CBX1: variants seen among roughly 807,000 people sequenced by gnomAD.
CBX1 encodes chromobox 1, also known as chromobox protein homolog 1.
A neutral mutation model predicts 25.1 loss-of-function variants in CBX1; 10 were observed. The ratio of observed to expected loss-of-function variants is 0.40; its 90% CI spans 0.25 to 0.68. The LOEUF (loss-of-function observed/expected upper bound fraction) is 0.68. CBX1 is among the 30% of genes least tolerant of loss of function. The pLI is 0.40. For synonymous variants in CBX1, 63 were observed against 79.4 expected (o/e 0.79, Z 1.10); for missense variants, 106 against 218.5 (o/e 0.49, Z 3.25).
chr17:48,085,060 C>T (rs367600246), intron 1 of CBX1, among the ~76,000 whole-genome samples: 3 of 152,242 alleles, frequency 2.0e-5, no homozygotes, highest in African/African-American at 7.2e-5. Context: ...TTAGCCAACT[C>T]GTATGGTTTA....
At chr17:48,078,592 C>A (rs556373711) in intron 1 of CBX1, among the ~76,000 whole-genome samples, 3 of 144,592 alleles carry the variant, frequency 2.1e-5, no homozygotes, top group South Asian at 2.2e-4. Flanking sequence ...CGGGTTCAAG[C>A]GATTCTCCTG....
At chr17:48,081,069 G>T (rs1279278995) in intron 1 of CBX1, among the ~76,000 whole-genome samples, 2 of 142,270 alleles carry the variant, frequency 1.4e-5, no homozygotes, top group Non-Finnish European at 3.0e-5. Flanking sequence ...TTAGAGACCA[G>T]GTTATGAGAC....
chr17:48,100,147 A>AAAAAAAAAAG lies in CBX1; in HGVS notation c.-38+1120_-38+1121insCTTTTTTTTT, dbSNP rs1287367924. On this transcript the variant is annotated intron_variant, in intron 1 of 4. Coordinates refer to ENST00000225603, the MANE Select transcript of CBX1 (RefSeq NM_001127228.2). ...GAGGAAGACTCTTCTCAAAAAAAAAAAAAAAAAGAGGTAAAATATAGCTCA... is the reference window on the plus strand; with the variant it reads ...GAGGAAGACTCTTCTCAAAAAAAAAAAAAAAAAAAGAAAAAAAGAGGTAAAATATAGCTCA... Among the ~76,000 whole-genome samples, 4 of 150,736 alleles carry AAAAAAAAAAG rather than the reference A, an allele frequency of 2.7e-5. No individual in the cohort carries two copies. In the Admixed American group the frequency reaches 2.7e-4, roughly 10 times the overall value.
intron 4 of CBX1, 94 bp from the exon 5 acceptor site, chr17:48,071,673 T>C: frequency 1.8e-6 from 2 of 1,098,046 alleles, no homozygotes; most frequent in South Asian, 4.4e-5. Flanking sequence ...AAAATGGTAA[T>C]TTTAGAAAAA....
chr17:48,075,197 C>G (rs2240122), intron 3 of CBX1, 97 bp from the exon 4 acceptor site: 1 of 637,500 alleles, frequency 1.6e-6, no homozygotes, highest in Non-Finnish European at 2.7e-6. Flanking sequence ...ATCACAAACT[C>G]TTTTTTTTTT....
intron 1 of CBX1, among the ~76,000 whole-genome samples, chr17:48,091,462 C>T (rs1319618401): frequency 2.0e-5 from 3 of 151,626 alleles, no homozygotes; most frequent in Non-Finnish European, 4.4e-5. Flanking sequence ...TAGAACTCCG[C>T]CTCTGGGGTT....
intron 1 of CBX1, among the ~76,000 whole-genome samples, chr17:48,094,738 GAAA>G (rs35959502): frequency 3.4e-5 from 4 of 119,328 alleles, no homozygotes; most frequent in African/African-American, 6.3e-5. Context: ...TGTCTCAAAG[GAAA>G]AAAAAAAAAA....
chr17:48,080,022 A>G (rs1344531917), intron 1 of CBX1, among the ~76,000 whole-genome samples: 1 of 152,078 alleles, frequency 6.6e-6, no homozygotes, highest in Non-Finnish European at 1.5e-5. Flanking sequence ...AATCTATTTT[A>G]TTTAGTCCTT....
intron 1 of CBX1, among the ~76,000 whole-genome samples, chr17:48,080,629 G>A (rs1351341839): frequency 6.6e-6 from 1 of 151,620 alleles, no homozygotes; most frequent in Non-Finnish European, 1.5e-5. Context: ...TGCACTTAGA[G>A]TCCATCTACA....
intron 1 of CBX1, among the ~76,000 whole-genome samples, chr17:48,094,824 A>T (rs554757541): frequency 6.6e-6 from 1 of 151,284 alleles, no homozygotes; most frequent in Non-Finnish European, 1.5e-5. Context: ...AGGCGGGTGG[A>T]TCACTTGACG....
At chr17:48,086,435 T>G (rs2063311948) in intron 1 of CBX1, among the ~76,000 whole-genome samples, 1 of 152,208 alleles carries the variant, frequency 6.6e-6, no homozygotes, top group African/African-American at 2.4e-5. Context: ...TGCTAGGAAC[T>G]TCCACGATTC....
At chr17:48,094,230 T>TC (rs1186799642) in intron 1 of CBX1, among the ~76,000 whole-genome samples, 1 of 150,814 alleles carries the variant, frequency 6.6e-6, no homozygotes, top group East Asian at 1.9e-4. Context: ...GGTCAGGAGT[T>TC]CAAGATCAGC....
At chr17:48,095,098 C>T (rs2063366752) in intron 1 of CBX1, among the ~76,000 whole-genome samples, 1 of 151,906 alleles carries the variant, frequency 6.6e-6, no homozygotes, top group Non-Finnish European at 1.5e-5. Flanking sequence ...ACAGGGCCAA[C>T]AGTCAAAATC....
chr17:48,081,460 C>CA (rs1330449474), intron 1 of CBX1, among the ~76,000 whole-genome samples: 3 of 152,072 alleles, frequency 2.0e-5, no homozygotes, highest in Non-Finnish European at 4.4e-5. Flanking sequence ...TTTTTTGAGA[C>CA]AGAGTTTCGC....
At chr17:48,092,619 A>G (rs542987696) in intron 1 of CBX1, among the ~76,000 whole-genome samples, 1 of 151,424 alleles carries the variant, frequency 6.6e-6, no homozygotes, top group South Asian at 2.1e-4. Context: ...GCACCTGGCT[A>G]ATTTTTCTAT....
At position 48,070,818 on chromosome 17, in the gene CBX1, C is replaced by G. The variant is rs1374912049; in HGVS notation, c.*617G>C. The G allele has an allele frequency of 1.3e-5, 2 of 152,624 alleles. No homozygotes were observed. Among genetic ancestry groups the G allele is most frequent in the African/African-American group, 2.4e-5 (1 of 41,438 alleles). The allele number at this position is 152,624 out of a possible 1,614,324, so 9.5% of individuals were successfully genotyped here. ...CAGACTTTCACAGCTTTTAAACAGT[C>G]TCTCACAGTCCTTATTTATGGTGCC... is the stretch of plus-strand genomic sequence containing the variant. On this transcript the variant is annotated 3_prime_UTR_variant, in exon 5 of 5. Transcript: ENST00000225603.
At position 48,101,410 on chromosome 17, in the gene CBX1, G is replaced by A. The variant is rs775369726; in HGVS notation, c.-180C>T. 1.7e-5 allele frequency: 17 copies of A among 985,552 alleles called. No homozygotes were observed. The highest frequency in any genetic ancestry group is 2.0e-5 in the Non-Finnish European group (17 of 830,000). 61.1% of individuals were successfully genotyped at this position (985,552 alleles called of 1,614,324 possible). On this transcript the variant is annotated 5_prime_UTR_variant, in exon 1 of 5. Transcript: ENST00000225603. ...TCCCTCACTGAAGCGGCGTACCGCA[G>A]GCCCCGGCCAACGGCCCTCCCCTCA...
intron 1 of CBX1, among the ~76,000 whole-genome samples, chr17:48,078,810 G>A (rs1251306906): frequency 5.4e-5 from 1 of 18,616 alleles, no homozygotes; most frequent in Admixed American, 4.9e-4. Flanking sequence ...TTTTTTTTTT[G>A]AGACGGAGTC....
chr17:48,077,924 C>T (rs761056241), intron 1 of CBX1, among the ~76,000 whole-genome samples: 1 of 151,990 alleles, frequency 6.6e-6, no homozygotes, highest in Non-Finnish European at 1.5e-5. Context: ...GAGGCCGAGG[C>T]GGGCAGATCA....
Sources: gnomAD v4.1 joint callset for allele counts (sites outside exome capture counted in the v4.1 genomes callset) on GRCh38, gnomAD v4.1.1 for gene constraint, MANE v1.5 for transcripts, NCBI Gene and HGNC (gene_info 2026-07-23, HGNC 2026-07-21) for gene names.